MOCOS: variants seen among roughly 807,000 people sequenced by gnomAD.
MOCOS encodes molybdenum cofactor sulfurase, also known as human molybdenum cofactor sulfurase.
Under a neutral mutation model 83.6 loss-of-function variants are expected in MOCOS, and 86 were observed. That is an observed-to-expected ratio of 1.03 (90% confidence interval 0.86 to 1.23). The LOEUF (loss-of-function observed/expected upper bound fraction) is 1.23, where lower values mean the gene tolerates loss of function less well. Among genes scored for constraint, MOCOS ranks in the 50% most tolerant of loss-of-function variants. The pLI, the probability that MOCOS is intolerant of heterozygous loss-of-function variation, is 0.00. For missense variants in MOCOS, 1,120 were observed against 1,126.9 expected, an observed-to-expected ratio of 0.99 and a Z score of 0.09; for synonymous variants, 445 against 434.7, an observed-to-expected ratio of 1.02 and a Z score of -0.29.
At position 36,270,791 on chromosome 18, in the gene MOCOS, AG is replaced by A. The variant is rs2091696883; in HGVS notation, c.*2107del. On this transcript the variant is annotated 3_prime_UTR_variant, in exon 15 of 15. Coordinates refer to ENST00000261326, the MANE Select transcript of MOCOS (RefSeq NM_017947.4). Reference sequence around the variant, plus strand: ...TATCCACGTCTATGTCACCTTTTGCAGTAGATACTTTCATGACTGATTTCAG... The same window carrying A: ...TATCCACGTCTATGTCACCTTTTGCATAGATACTTTCATGACTGATTTCAG... 2.0e-5 allele frequency: 3 copies of A among 151,204 alleles called. No individual in the cohort carries two copies. Among genetic ancestry groups the A allele is most frequent in the Non-Finnish European group, 2.9e-5 (2 of 67,964 alleles). 9.4% of individuals were successfully genotyped at this position (151,204 alleles called of 1,614,324 possible).
At chr18:36,195,506 G>A (rs1310406579) in intron 2 of MOCOS, among the ~76,000 whole-genome samples, 160 bp downstream of exon 2, 1 of 152,200 alleles carries the variant, frequency 6.6e-6, no homozygotes, top group Non-Finnish European at 1.5e-5. Context: ...GGGTCATTCT[G>A]TACTGTAAAC....
intron 6 of MOCOS, among the ~76,000 whole-genome samples, chr18:36,209,549 C>T (rs938253232): frequency 4.6e-5 from 7 of 152,094 alleles, no homozygotes; most frequent in African/African-American, 1.7e-4. Flanking sequence ...CCTTTGCATC[C>T]TCATACTTTA....
At chr18:36,210,728 G>A (rs2091451655) in intron 6 of MOCOS, among the ~76,000 whole-genome samples, 2 of 151,586 alleles carry the variant, frequency 1.3e-5, no homozygotes, top group South Asian at 4.2e-4. Flanking sequence ...GCACACACCT[G>A]TAACCCCAGC....
chr18:36,205,253 G>T lies in MOCOS; in HGVS notation c.1195G>T (p.Gly399Trp). 6.2e-7 allele frequency: 1 copy of T among 1,613,844 alleles called. No homozygotes were observed. Among genetic ancestry groups the T allele is most frequent in the Non-Finnish European group, 8.5e-7 (1 of 1,179,972 alleles). The change falls in exon 6 of 15, where the codon GGG (glycine) becomes TGG (tryptophan). Residue 399 changes from glycine to tryptophan, a missense_variant. Physicochemically the swap from Gly to Trp is radical, Grantham distance 184 (BLOSUM62 -2). Transcript: ENST00000261326. The part of the protein sequence containing the change: ...IINFNVLDDK[G>W]NIIGYSQVDK... ...CAATTTTAATGTGCTGGATGACAAA[G>T]GGAACATCATTGGTTACTCCCAGGT...
At chr18:36,197,952 G>C (rs1339706837) in intron 2 of MOCOS, among the ~76,000 whole-genome samples, 1 of 152,114 alleles carries the variant, frequency 6.6e-6, no homozygotes, top group Admixed American at 6.5e-5. Flanking sequence ...ACTACTTTCT[G>C]TATCTCTACA....
intron 9 of MOCOS, among the ~76,000 whole-genome samples, chr18:36,243,315 T>C (rs567190436): frequency 1.3e-5 from 2 of 152,120 alleles, no homozygotes; most frequent in Non-Finnish European, 2.9e-5. Flanking sequence ...AGGGTTTTAA[T>C]CATAAAGCGT....
chr18:36,239,325 G>A (rs1209553904), intron 9 of MOCOS, among the ~76,000 whole-genome samples: 1 of 149,686 alleles, frequency 6.7e-6, no homozygotes, highest in Non-Finnish European at 1.5e-5. Flanking sequence ...TTTAGGGCAG[G>A]CCTGGTGGTG....
chr18:36,249,054 G>C, intron 10 of MOCOS, 54 bp downstream of exon 10: 11 of 1,459,258 alleles, frequency 7.5e-6, no homozygotes, highest in South Asian at 1.1e-5. Flanking sequence ...CTGGCACAGA[G>C]GGGGAAGAGG....
chr18:36,245,905 T>TC (rs2091600585), intron 9 of MOCOS, among the ~76,000 whole-genome samples: 1 of 152,198 alleles, frequency 6.6e-6, no homozygotes, highest in Admixed American at 6.5e-5. Flanking sequence ...TTCTACTTTT[T>TC]CAATACTATT....
At chr18:36,265,311 A>G (rs1223892603) in intron 13 of MOCOS, among the ~76,000 whole-genome samples, 2 of 152,234 alleles carry the variant, frequency 1.3e-5, no homozygotes, top group East Asian at 3.8e-4. Context: ...AGTCCTTGAG[A>G]CAGTCGTTAT....
chr18:36,262,848 C>T (rs1371772132), intron 13 of MOCOS, among the ~76,000 whole-genome samples: 2 of 152,218 alleles, frequency 1.3e-5, no homozygotes, highest in Non-Finnish European at 2.9e-5. Flanking sequence ...GTGGCTCATG[C>T]CTGAAATCCC....
At chr18:36,236,618 C>T (rs1465492733) in intron 9 of MOCOS, among the ~76,000 whole-genome samples, 1 of 133,532 alleles carries the variant, frequency 7.5e-6, no homozygotes, top group Non-Finnish European at 1.6e-5. Context: ...AATGCGGGCT[C>T]TTTTTTGGTT....
At chr18:36,255,368 G>T (rs886262755) in intron 11 of MOCOS, among the ~76,000 whole-genome samples, 6 of 152,182 alleles carry the variant, frequency 3.9e-5, no homozygotes, top group Non-Finnish European at 8.8e-5. Flanking sequence ...AACTTAATTA[G>T]GTCCTGCAGT....
intron 11 of MOCOS, among the ~76,000 whole-genome samples, chr18:36,251,887 C>T (rs2091623542): frequency 6.6e-6 from 1 of 152,330 alleles, no homozygotes; most frequent in Admixed American, 6.5e-5. Context: ...GGAAGCCTGG[C>T]TGACTACCCT....
At chr18:36,223,713 C>T (rs2091505278) in intron 9 of MOCOS, among the ~76,000 whole-genome samples, 2 of 152,216 alleles carry the variant, frequency 1.3e-5, no homozygotes, top group African/African-American at 4.8e-5. Flanking sequence ...ATTAATTCTT[C>T]TAATCCATGA....
At chr18:36,203,214 G>A in intron 5 of MOCOS, 25 bp downstream of exon 5, 2 of 1,606,138 alleles carry the variant, frequency 1.2e-6, no homozygotes, top group Non-Finnish European at 1.7e-6. Flanking sequence ...CTATCCCTGT[G>A]GAATTTGCTC....
chr18:36,205,358 T>C, intron 6 of MOCOS, 82 bp downstream of exon 6: 2 of 1,435,784 alleles, frequency 1.4e-6, no homozygotes, highest in Non-Finnish European at 2.0e-6. Context: ...ACAAAGTCCA[T>C]GCACTGTTGA....
chr18:36,254,494 GTGTGTA>G (rs1298848171), intron 11 of MOCOS, among the ~76,000 whole-genome samples: 8 of 73,228 alleles, frequency 1.1e-4, no homozygotes, highest in Admixed American at 1.0e-3. Flanking sequence ...GTGTGTGTGT[GTGTGTA>G]TAGAGAGAGA....
rs199995840 is a variant in MOCOS at position 36,248,963 on chromosome 18, C to T, written c.2002C>T (p.Arg668Trp). Residue 668 changes from arginine (R) to tryptophan (W), a missense_variant, in exon 10 of 15, where the codon CGG becomes TGG. Transcript: ENST00000261326. ...GGTGCCTCTTGAGGAAAATAGTGAA[C>T]GGACTCAGATTCGCCAAAGCAGGGT... ...IEVPLEENSE[R>W]TQIRQSRVCA... is the part of the protein sequence containing the mutation. 80 of 1,614,108 alleles carry T rather than the reference C, an allele frequency of 5.0e-5. No homozygotes were observed. The highest frequency in any genetic ancestry group is 2.7e-4 in the Admixed American group (16 of 60,012).
Sources: allele counts gnomAD v4.1 joint callset (sites outside exome capture counted in the v4.1 genomes callset), GRCh38; gene constraint gnomAD v4.1.1; transcripts MANE v1.5; gene names NCBI Gene and HGNC (gene_info 2026-07-23, HGNC 2026-07-21).